The following DGCR8 variants were observed in gnomAD, a reference collection of about 807,000 sequenced individuals.
DGCR8 encodes the protein microprocessor complex subunit DGCR8.
Under a neutral mutation model 78.5 loss-of-function variants are expected in DGCR8, and 14 were observed. The observed-to-expected ratio is 0.18, with a 90% CI of 0.12 to 0.28. The LOEUF (loss-of-function observed/expected upper bound fraction) is 0.28. DGCR8 is among the 10% of genes least tolerant of loss of function. The pLI is 1.00. For missense variants in DGCR8, 702 were observed against 1,022.5 expected (o/e 0.69, Z 4.28); for synonymous variants, 399 against 402.4 (o/e 0.99, Z 0.10).
chr22:20,106,462 C>G (rs2147940624), intron 10 of DGCR8, 130 bp from the exon 11 acceptor site: 1 of 833,832 alleles, frequency 1.2e-6, no homozygotes, highest in South Asian at 1.5e-5. Context: ...GGAGAATTCC[C>G]TCCTCTGGCT....
At chr22:20,097,299 G>A (rs969872107) in intron 9 of DGCR8, among the ~76,000 whole-genome samples, 9 of 152,128 alleles carry the variant, frequency 5.9e-5, no homozygotes, top group Non-Finnish European at 1.3e-4. Context: ...GAAACCTTCT[G>A]GTCCCAGGCT....
intron 5 of DGCR8, among the ~76,000 whole-genome samples, chr22:20,091,037 G>T (rs929327588): frequency 1.3e-5 from 2 of 152,194 alleles, no homozygotes; most frequent in African/African-American, 2.4e-5. Flanking sequence ...CTACAGAGGT[G>T]GCCAGGATGG....
chr22:20,106,851 C>T lies in DGCR8; in HGVS notation c.1996+153C>T. ...CACCACACGTTCAGCCTAAGGCGGA[C>T]TGGCAGCCGTCCTGCCTGCACTTTC... On this transcript the variant is annotated intron_variant, in intron 11 of 13. Coordinates refer to ENST00000351989, the MANE Select transcript of DGCR8 (RefSeq NM_022720.7). The T allele has an allele frequency of 4.7e-6, 3 of 631,732 alleles. No homozygotes were observed. The South Asian group carries it at 5.4e-5, about 11-fold the overall frequency. 39.1% of individuals were successfully genotyped at this position (631,732 alleles called of 1,614,324 possible).
At chr22:20,100,301 G>A (rs553691942) in intron 9 of DGCR8, 25 of 943,616 alleles carry the variant, frequency 2.6e-5, no homozygotes, top group Middle Eastern at 5.5e-4. Flanking sequence ...TCTTGACCTC[G>A]TGATCCGTCC....
chr22:20,107,920 G>A (rs74689531), intron 12 of DGCR8: 2,309 of 158,064 alleles, frequency 0.015, 59 homozygotes, highest in African/African-American at 0.051. Flanking sequence ...GGTAACATGG[G>A]GAGGTGAGTG....
intron 8 of DGCR8, among the ~76,000 whole-genome samples, chr22:20,093,246 A>G (rs898810113): frequency 6.6e-6 from 1 of 152,192 alleles, no homozygotes; most frequent in African/African-American, 2.4e-5. Flanking sequence ...TCTACTAAAA[A>G]TACAAAAAAT....
intron 12 of DGCR8, 157 bp downstream of exon 12, chr22:20,107,555 G>A: frequency 1.2e-6 from 1 of 857,504 alleles, no homozygotes; most frequent in South Asian, 1.6e-5. Context: ...GGGCAGGGGT[G>A]GGGTCGTCCC....
intron 7 of DGCR8, 43 bp from the exon 8 acceptor site, chr22:20,092,766 G>T: frequency 1.3e-6 from 2 of 1,558,380 alleles, no homozygotes; most frequent in Non-Finnish European, 8.8e-7. Flanking sequence ...CGCTTTTGAT[G>T]TCTTGACTCG....
intron 13 of DGCR8, among the ~76,000 whole-genome samples, chr22:20,109,815 T>C (rs2049813656): frequency 6.6e-6 from 1 of 152,236 alleles, no homozygotes; most frequent in African/African-American, 2.4e-5. Flanking sequence ...CATGTTGTAC[T>C]CTGATGGCAA....
At chr22:20,100,342 G>C in intron 9 of DGCR8, 1 of 985,104 alleles carries the variant, frequency 1.0e-6, no homozygotes, top group South Asian at 4.7e-5. Flanking sequence ...TGGGATTATA[G>C]GCGTGAGCCA....
At chr22:20,106,996 G>C (rs975841801) in intron 11 of DGCR8, 2 of 576,494 alleles carry the variant, frequency 3.5e-6, no homozygotes, top group Non-Finnish European at 6.2e-6. Context: ...CCTGTTTCTG[G>C]AGGTGTGCGT....
At chr22:20,100,474 T>C (rs918679755) in intron 9 of DGCR8, 3 of 985,256 alleles carry the variant, frequency 3.0e-6, no homozygotes, top group Non-Finnish European at 3.6e-6. Context: ...ACCAAAACTC[T>C]TAGTATGGGT....
At position 20,089,775 on chromosome 22, in the gene DGCR8, G is replaced by T; in HGVS notation, c.987G>T (p.Trp329Cys). Residue 329 changes from tryptophan (W) to cysteine (C), a missense_variant, in exon 4 of 14, where the codon TGG becomes TGT. By Grantham distance (215) the Trp-to-Cys change is radical (BLOSUM62 -2). Transcript: ENST00000351989. The surrounding 1 kb of genome is among the most constrained non-coding windows in gnomAD (Gnocchi z 4.9). ...YLHRESRVVT[W>C]SRPYFLGTGS... is the part of the protein sequence containing the mutation. The stretch of plus-strand genomic sequence containing the variant: ...ACAGAGAGTCTCGGGTGGTCACCTG[G>T]TCCAGGCCATACTTCTTGGGAACGG... 1 of 1,613,892 alleles carries T rather than the reference G, an allele frequency of 6.2e-7. No individual in the cohort carries two copies. Among genetic ancestry groups the T allele is most frequent in the Non-Finnish European group, 8.5e-7 (1 of 1,179,980 alleles).
rs745828702 is a variant in DGCR8 at position 20,086,260 on chromosome 22, C to T, written c.297C>T (p.Ala99=). The T allele has an allele frequency of 8.7e-6, 14 of 1,614,176 alleles. No individual in the cohort carries two copies. Among genetic ancestry groups the T allele is most frequent in the Non-Finnish European group, 1.1e-5 (13 of 1,180,038 alleles). The part of the protein sequence containing the change: ...PNCSGHSPRT[A]RHAPAVRKFS... ...GTAGTGGCCACAGCCCGCGCACCGC[C>T]CGGCACGCACCTGCGGTCCGGAAGT... is the stretch of plus-strand genomic sequence containing the variant. The change falls in exon 2 of 14, where the codon GCC becomes GCT. Residue 99 remains alanine (A), a synonymous_variant. Transcript: ENST00000351989. This position sits in a 1 kb window ranked among gnomAD's most constrained non-coding sequence, Gnocchi z 6.4.
intron 9 of DGCR8, chr22:20,101,607 G>T: frequency 2.0e-6 from 2 of 985,126 alleles, no homozygotes; most frequent in Non-Finnish European, 2.4e-6. Context: ...TATGTCATCT[G>T]TGATGTCCCC....
intron 13 of DGCR8, chr22:20,109,279 C>T: frequency 2.7e-6 from 1 of 368,960 alleles, no homozygotes; most frequent in South Asian, 2.3e-5. Flanking sequence ...AGTCCCATGT[C>T]CTCCCTGGGT....
In DGCR8 at chr22:20,086,150, G is replaced by A. The variant is rs768730488; in HGVS notation, c.187G>A (p.Ala63Thr). Reference protein sequence around the residue: ...SGGDGQSELPAEDPFNFYGAS... With the variant: ...SGGDGQSELPTEDPFNFYGAS... ...TGGTGATGGACAGTCCGAACTCCCT[G>A]CTGAGGACCCCTTCAACTTCTACGG... Residue 63 changes from alanine (A) to threonine (T), a missense_variant, in exon 2 of 14, where the codon GCT becomes ACT. By Grantham distance (58) the Ala-to-Thr change is moderately conservative. Around this residue, in one of 4 missense-constraint regions of DGCR8, gnomAD observed 356 missense variants for 448.9 expected, o/e 0.79. Transcript: ENST00000351989. This position sits in a 1 kb window ranked among gnomAD's most constrained non-coding sequence, Gnocchi z 6.4. 6.2e-6 allele frequency: 10 copies of A among 1,614,016 alleles called. No homozygotes were observed. In the East Asian group the frequency reaches 8.9e-5, roughly 14 times the overall value.
rs181444529 is a variant in DGCR8 at position 20,103,556 on chromosome 22, T to G, written c.1789-2621T>G. ...AATGTGTTCCTGGGATAAGTCCTAC[T>G]TGGGCATGGTATATGTTCCTTTTCA... On this transcript the variant is annotated intron_variant, in intron 9 of 13. Transcript: ENST00000351989. 8.5e-4 allele frequency among the ~76,000 whole-genome samples: 129 copies of G among 152,316 alleles called. 1 individual carries two copies. Among genetic ancestry groups the G allele is most frequent in the Non-Finnish European group, 1.5e-3 (105 of 68,022 alleles).
At chr22:20,102,506 G>A (rs951061122) in intron 9 of DGCR8, among the ~76,000 whole-genome samples, 7 of 152,316 alleles carry the variant, frequency 4.6e-5, no homozygotes, top group Non-Finnish European at 5.9e-5. Context: ...CTGCTGTAAG[G>A]TCGTCCAGGT....
Sources: gnomAD v4.1 joint callset for allele counts (sites outside exome capture counted in the v4.1 genomes callset) on GRCh38, gnomAD v4.1.1 for gene constraint, gnomAD v4.1.1 regional missense constraint, Gnocchi (gnomAD v3.1) non-coding constraint, MANE v1.5 for transcripts, NCBI Gene and HGNC (gene_info 2026-07-23, HGNC 2026-07-21) for gene names.